PHOX2A: variants seen among roughly 807,000 people sequenced by gnomAD.
PHOX2A encodes paired like homeobox 2A.
Under a neutral mutation model 16.4 loss-of-function variants are expected in PHOX2A, and 10 were observed. The ratio of observed to expected loss-of-function variants is 0.61; its 90% confidence interval spans 0.38 to 1.04. PHOX2A has a LOEUF of 1.04. Ranked by LOEUF, PHOX2A falls within the 50% of genes least tolerant of loss-of-function variation. PHOX2A has a pLI of 0.01. For synonymous variants in PHOX2A, 219 were observed against 203.8 expected (o/e 1.07, Z -0.64); for missense variants, 361 against 419.4 (o/e 0.86, Z 1.22).
At position 72,241,300 on chromosome 11, in the gene PHOX2A, GT is replaced by G; in HGVS notation, c.218-12del. The G allele has an allele frequency of 1.3e-6, 2 of 1,485,886 alleles. No homozygotes were observed. Among genetic ancestry groups the G allele is most frequent in the East Asian group, 2.4e-5 (1 of 42,246 alleles). 92.0% of individuals were successfully genotyped at this position (1,485,886 alleles called of 1,614,324 possible). A position where few individuals can be genotyped will look rare whatever the true frequency, so the allele number is the denominator to read the frequency against. The stretch of plus-strand genomic sequence containing the variant: ...AGAACTTGTAGGGCACTGCGGGTGT[GT>G]GCAGGGGGGCCGGGGGGGGGGCAAA... On this transcript the variant is annotated splice_polypyrimidine_tract_variant and intron_variant, in intron 1 of 2. Transcript: ENST00000298231.
Position 72,240,115 on chromosome 11 carries a change from G to C in PHOX2A, c.489C>G (p.Ala163=). The change falls in exon 3 of 3, where the codon GCC becomes GCG. Residue 163 remains alanine (A), a synonymous_variant. Coordinates refer to ENST00000298231, the MANE Select transcript of PHOX2A (RefSeq NM_005169.4). The part of the protein sequence containing the change: ...SAKGAAGAAG[A]KKGEARCSSE... ...AGGAGCAGCGCGCCTCGCCCTTTTT[G>C]GCGCCCGCCGCGCCCGCCGCGCCCT... 4 of 1,532,062 alleles carry C rather than the reference G, an allele frequency of 2.6e-6. No homozygotes were observed. Among genetic ancestry groups the C allele is most frequent in the Non-Finnish European group, 3.5e-6 (4 of 1,144,230 alleles). The allele number at this position is 1,532,062 out of a possible 1,614,324, so 94.9% of individuals were successfully genotyped here. A position where few individuals can be genotyped will look rare whatever the true frequency, so the allele number is the denominator to read the frequency against.
Position 72,241,275 on chromosome 11 carries a change from A to G in PHOX2A, c.232T>C (p.Phe78Leu). 1 of 1,466,060 alleles carries G rather than the reference A, an allele frequency of 6.8e-7. No individual in the cohort carries two copies. The highest frequency in any genetic ancestry group is 9.2e-7 in the Non-Finnish European group (1 of 1,082,466). The allele number at this position is 1,466,060 out of a possible 1,614,324, so 90.8% of individuals were successfully genotyped here. The stretch of plus-strand genomic sequence containing the variant: ...TCGTGCAGGCCGGATGGCTCTGGGA[A>G]GAACTTGTAGGGCACTGCGGGTGTG... The part of the protein sequence containing the change: ...APYSAVPYKF[F>L]PEPSGLHEKR... Residue 78 changes from phenylalanine to leucine, a missense_variant, in exon 2 of 3, where the codon TTC becomes CTC. By Grantham distance (22) the Phe-to-Leu change is conservative. Around this residue, in one of 3 missense-constraint regions of PHOX2A, gnomAD observed 235 missense variants for 263.8 expected, o/e 0.89. Transcript: ENST00000298231.
chr11:72,241,673 G>T (rs1002589694), intron 1 of PHOX2A, among the ~76,000 whole-genome samples: 1 of 148,340 alleles, frequency 6.7e-6, no homozygotes, highest in East Asian at 2.0e-4. Context: ...CTGTCTCTCA[G>T]CCCGTCTGTC....
rs1458356877 is a variant in PHOX2A, at chr11:72,239,657, C to A, written c.*92G>T. On this transcript the variant is annotated 3_prime_UTR_variant, in exon 3 of 3. Coordinates refer to ENST00000298231, the MANE Select transcript of PHOX2A (RefSeq NM_005169.4). ...AGGGAGTGGAGACGGATGGGGACTT[C>A]CAGGCGGGTGGCCAGGATGGGAGGG... is the stretch of plus-strand genomic sequence containing the variant. 1.9e-6 allele frequency: 2 copies of A among 1,029,300 alleles called. No individual in the cohort carries two copies. The highest frequency in any genetic ancestry group is 4.7e-5 in the South Asian group (1 of 21,234). 63.8% of individuals were successfully genotyped at this position (1,029,300 alleles called of 1,614,324 possible).
Position 72,243,844 on chromosome 11 carries a change from G to T in PHOX2A, c.161C>A (p.Ser54Tyr). The T allele has an allele frequency of 8.8e-6, 11 of 1,255,912 alleles. No homozygotes were observed. Among genetic ancestry groups the T allele is most frequent in the Non-Finnish European group, 1.1e-5 (11 of 997,174 alleles). 77.8% of individuals were successfully genotyped at this position (1,255,912 alleles called of 1,614,324 possible). The change falls in exon 1 of 3, where the codon TCC (serine) becomes TAC (tyrosine). Residue 54 changes from serine to tyrosine, a missense_variant. By Grantham distance (144) the Ser-to-Tyr change is moderately radical. Transcript: ENST00000298231. The stretch of plus-strand genomic sequence containing the variant: ...TAGGGCGCCAAGTGCGCAGTTGGAG[G>T]AGCCGAGCGCGGGGCAGGGCGGCCC... ...AAGPPCPALG[S>Y]SNCALGALRD...
intron 1 of PHOX2A, 28 bp from the exon 2 acceptor site, chr11:72,241,317 G>GT (rs752212222): frequency 2.4e-6 from 3 of 1,234,048 alleles, no homozygotes; most frequent in African/African-American, 3.1e-5. Flanking sequence ...GGGGCCGGGG[G>GT]GGGGGCAAAA....
rs1195721883 is a variant in PHOX2A at position 72,241,135 on chromosome 11, C to T, written c.372G>A (p.Ala124=). 6.2e-7 allele frequency: 1 copy of T among 1,614,036 alleles called. No homozygotes were observed. The highest frequency in any genetic ancestry group is 8.5e-7 in the Non-Finnish European group (1 of 1,180,038). ...YPDIYTREEL[A]LKIDLTEARV... Reference sequence around the variant, plus strand: ...GAGCCTCAGTGAGGTCGATCTTGAGCGCCAGCTCCTCACGCGTGTAAATGT... The same window carrying T: ...GAGCCTCAGTGAGGTCGATCTTGAGTGCCAGCTCCTCACGCGTGTAAATGT... Residue 124 remains alanine, a synonymous_variant, in exon 2 of 3, where the codon GCG becomes GCA. Transcript: ENST00000298231.
In PHOX2A at chr11:72,239,939, G is replaced by A; in HGVS notation, c.665C>T (p.Pro222Leu). The change falls in exon 3 of 3, where the codon CCG becomes CTG. Residue 222 changes from proline (P) to leucine (L), a missense_variant. By Grantham distance (98) the Pro-to-Leu change is moderately conservative. Coordinates refer to ENST00000298231, the MANE Select transcript of PHOX2A (RefSeq NM_005169.4). ...VALGSGPGPG[P>L]GPQPLKGALW... ...TGCGCCCTTGAGCGGCTGTGGCCCC[G>A]GCCCAGGTCCCGGCCCGGAGCCCAG... is the stretch of plus-strand genomic sequence containing the variant. The A allele has an allele frequency of 7.7e-7, 1 of 1,296,950 alleles. No homozygotes were observed. The highest frequency in any genetic ancestry group is 4.2e-5 in the Admixed American group (1 of 23,926). 80.3% of individuals were successfully genotyped at this position (1,296,950 alleles called of 1,614,324 possible).
intron 2 of PHOX2A, 132 bp from the exon 3 acceptor site, chr11:72,240,330 T>A: frequency 8.1e-7 from 1 of 1,229,082 alleles, no homozygotes; most frequent in South Asian, 1.5e-5. Context: ...TGGAGGGGCC[T>A]TCGGCCCTCC....
At chr11:72,240,794 C>A (rs1949111630) in intron 2 of PHOX2A, among the ~76,000 whole-genome samples, 2 of 152,190 alleles carry the variant, frequency 1.3e-5, no homozygotes, top group Admixed American at 1.3e-4. Flanking sequence ...CTCCTCAGCT[C>A]GGCCCTGAGG....
chr11:72,242,301 C>T (rs1949128633), intron 1 of PHOX2A, among the ~76,000 whole-genome samples: 1 of 152,084 alleles, frequency 6.6e-6, no homozygotes, highest in South Asian at 2.1e-4. Flanking sequence ...CCTCCATCTC[C>T]CCTGATTCTT....
At position 72,243,850 on chromosome 11, in the gene PHOX2A, A is replaced by T; in HGVS notation, c.155T>A (p.Leu52His). The T allele has an allele frequency of 1.6e-6, 2 of 1,261,494 alleles. No homozygotes were observed. The highest frequency in any genetic ancestry group is 3.1e-5 in the East Asian group (1 of 31,780). The allele number at this position is 1,261,494 out of a possible 1,614,324, so 78.1% of individuals were successfully genotyped here. A position where few individuals can be genotyped will look rare whatever the true frequency, so the allele number is the denominator to read the frequency against. The change falls in exon 1 of 3, where the codon CTC (leucine) becomes CAC (histidine). Residue 52 changes from leucine to histidine, a missense_variant. Leu to His is a moderately conservative substitution (Grantham distance 99). Transcript: ENST00000298231. ...FPAAGPPCPA[L>H]GSSNCALGAL... ...GCCAAGTGCGCAGTTGGAGGAGCCG[A>T]GCGCGGGGCAGGGCGGCCCTGCCGC...
In PHOX2A at chr11:72,240,980, C is replaced by G. The variant is rs1457101548; in HGVS notation, c.405+122G>C. 3.7e-6 allele frequency: 4 copies of G among 1,092,460 alleles called. 1 individual carries two copies. Among genetic ancestry groups the G allele is most frequent in the African/African-American group, 1.6e-5 (1 of 64,308 alleles). 67.7% of individuals were successfully genotyped at this position (1,092,460 alleles called of 1,614,324 possible). ...TGCCTCCCGTAGCTGCCCAAGCACC[C>G]TGGGACCGCGCCCTGCCTTCGGGCT... is the stretch of plus-strand genomic sequence containing the variant. On this transcript the variant is annotated intron_variant, in intron 2 of 2. Transcript: ENST00000298231.
intron 1 of PHOX2A, 48 bp from the exon 2 acceptor site, chr11:72,241,337 G>GA (rs778824001): frequency 9.6e-7 from 1 of 1,046,702 alleles, no homozygotes; most frequent in Admixed American, 2.2e-5. Context: ...AAGGATGGGG[G>GA]AGTGAGAAGC....
At position 72,240,046 on chromosome 11, in the gene PHOX2A, G is replaced by T. The variant is rs758995593; in HGVS notation, c.558C>A (p.Pro186=). Residue 186 remains proline (P), a synonymous_variant, in exon 3 of 3, where the codon CCC becomes CCA. Transcript: ENST00000298231. The part of the protein sequence containing the change: ...DSKESTCSPT[P]DSTASLPPPP... The stretch of plus-strand genomic sequence containing the variant: ...GCGGCGGCAGCGAGGCGGTGCTATC[G>T]GGCGTGGGGCTGCACGTGGACTCCT... 3.0e-5 allele frequency: 44 copies of T among 1,491,202 alleles called. No homozygotes were observed. Among genetic ancestry groups the T allele is most frequent in the Non-Finnish European group, 3.8e-5 (43 of 1,127,022 alleles). 92.4% of individuals were successfully genotyped at this position (1,491,202 alleles called of 1,614,324 possible).
chr11:72,241,310 G>T, intron 1 of PHOX2A, 21 bp from the exon 2 acceptor site: 2 of 1,191,844 alleles, frequency 1.7e-6, no homozygotes, highest in East Asian at 2.7e-5. Flanking sequence ...GTGCAGGGGG[G>T]CCGGGGGGGG....
chr11:72,240,013 C>A lies in PHOX2A; in HGVS notation c.591G>T (p.Ala197=). Residue 197 remains alanine (A), a synonymous_variant, in exon 3 of 3, where the codon GCG becomes GCT. Transcript: ENST00000298231. ...DSTASLPPPP[A]PGLASPRLSP... ...TCAGGCGCGGGCTGGCCAGGCCGGGCGCAGGCGGCGGCGGCAGCGAGGCGG... is the reference window on the plus strand; with the variant it reads ...TCAGGCGCGGGCTGGCCAGGCCGGGAGCAGGCGGCGGCGGCAGCGAGGCGG... The A allele has an allele frequency of 4.2e-6, 6 of 1,428,740 alleles. No individual in the cohort carries two copies. The South Asian group carries it at 4.4e-5, about 10-fold the overall frequency. The allele number at this position is 1,428,740 out of a possible 1,614,324, so 88.5% of individuals were successfully genotyped here.
Position 72,240,168 on chromosome 11 carries a change from G to T in PHOX2A, c.436C>A (p.Arg146Ser). 3.3e-6 allele frequency: 5 copies of T among 1,535,630 alleles called. No homozygotes were observed. Among genetic ancestry groups the T allele is most frequent in the Non-Finnish European group, 4.4e-6 (5 of 1,145,648 alleles). The change falls in exon 3 of 3, where the codon CGC (arginine) becomes AGC (serine). Residue 146 changes from arginine (R) to serine (S), a missense_variant. This residue lies in a region of PHOX2A where 235 missense variants were observed against 263.8 expected (regional missense o/e 0.89). Coordinates refer to ENST00000298231, the MANE Select transcript of PHOX2A (RefSeq NM_005169.4). The stretch of plus-strand genomic sequence containing the variant: ...GCGCTGGCCGCGCGCTCCTGTTTGC[G>T]GAACTTGGCCCGGCGGTTCTGGAAC... ...VWFQNRRAKF[R>S]KQERAASAKG...
chr11:72,241,095 C>A lies in PHOX2A; in HGVS notation c.405+7G>T, dbSNP rs757575429. ...GCACTCTCGTACACACACGTGCATA[C>A]ACGCACCTGCACGCGAGCCTCAGTG... is the stretch of plus-strand genomic sequence containing the variant. On this transcript the variant is annotated splice_region_variant and intron_variant, in intron 2 of 2. Transcript: ENST00000298231. The A allele has an allele frequency of 1.9e-6, 3 of 1,612,972 alleles. No homozygotes were observed. Among genetic ancestry groups the A allele is most frequent in the South Asian group, 1.1e-5 (1 of 91,060 alleles).
Sources: allele counts gnomAD v4.1 joint callset (sites outside exome capture counted in the v4.1 genomes callset), GRCh38; gene constraint gnomAD v4.1.1; regional missense constraint gnomAD v4.1.1; transcripts MANE v1.5; gene names NCBI Gene and HGNC (gene_info 2026-07-23, HGNC 2026-07-21).